RBFOX2: variants seen among roughly 807,000 people sequenced by gnomAD.
RBFOX2 encodes RNA binding fox-1 homolog 2, also known as RNA binding protein fox-1 homolog 2.
Under a neutral mutation model 49.1 loss-of-function variants are expected in RBFOX2, and 10 were observed. That is an observed-to-expected ratio of 0.20 (90% confidence interval 0.13 to 0.35). RBFOX2 has a LOEUF of 0.35. RBFOX2 is among the 10% of genes least tolerant of loss of function. The probability of loss-of-function intolerance (pLI) is 1.00; values close to 1 mark genes in which losing one functional copy is unlikely to be tolerated. For missense variants in RBFOX2, 323 were observed against 486.9 expected, an observed-to-expected ratio of 0.66 and a Z score of 3.17; for synonymous variants, 183 against 187.4, an observed-to-expected ratio of 0.98 and a Z score of 0.19.
At chr22:35,998,340 C>T (rs530787907) in intron 1 of RBFOX2, 2 of 152,270 alleles carry the variant, frequency 1.3e-5, no homozygotes, top group South Asian at 2.1e-4. Flanking sequence ...TTCCTGCACA[C>T]ACTACCTCAC....
At chr22:36,005,667 CAT>C (rs2058593511) in intron 1 of RBFOX2, among the ~76,000 whole-genome samples, 1 of 152,208 alleles carries the variant, frequency 6.6e-6, no homozygotes, top group Non-Finnish European at 1.5e-5. Context: ...ATAGGCAGCA[CAT>C]GTGTTCCACT....
At chr22:35,840,505 A>G in exon 1 of RBFOX2, 13 of 1,303,310 alleles carry the variant, frequency 1.0e-5, no homozygotes, top group Non-Finnish European at 1.2e-5. Flanking sequence ...TAATCAGAGT[A>G]GAGCCCCACC....
chr22:35,741,872 A>G (rs1012081752), exon 12 of RBFOX2: 5 of 152,634 alleles, frequency 3.3e-5, no homozygotes, highest in African/African-American at 9.6e-5. Context: ...TCATTCTCCT[A>G]TTCTCCCCTG....
chr22:35,875,896 T>C (rs559224044), intron 1 of RBFOX2, among the ~76,000 whole-genome samples: 1 of 151,888 alleles, frequency 6.6e-6, no homozygotes, highest in African/African-American at 2.4e-5. Flanking sequence ...AGTAAAAAAA[T>C]AAATAAATAA....
At chr22:35,985,697 C>T (rs2057676252) in intron 1 of RBFOX2, among the ~76,000 whole-genome samples, 5 of 152,120 alleles carry the variant, frequency 3.3e-5, no homozygotes. Flanking sequence ...CAGTCTATGG[C>T]TCTAAATGAA....
chr22:35,786,597 C>G (rs1343814205), intron 2 of RBFOX2, among the ~76,000 whole-genome samples: 1 of 152,210 alleles, frequency 6.6e-6, no homozygotes, highest in Non-Finnish European at 1.5e-5. Flanking sequence ...ACTTCTAACT[C>G]TAGGCCTCCC....
intron 1 of RBFOX2, among the ~76,000 whole-genome samples, chr22:35,877,882 C>A (rs1185004239): frequency 6.6e-6 from 1 of 151,916 alleles, no homozygotes; most frequent in African/African-American, 2.4e-5. Flanking sequence ...GTAAAAAAAC[C>A]TCTAGAATTT....
At chr22:35,744,039 CAT>C in exon 12 of RBFOX2, 1 of 485,772 alleles carries the variant, frequency 2.1e-6, no homozygotes, top group Non-Finnish European at 3.4e-6. Context: ...ATTCAAAGAA[CAT>C]AGTGAGGTAT....
intron 1 of RBFOX2, among the ~76,000 whole-genome samples, chr22:35,983,434 A>G (rs889123294): frequency 2.0e-5 from 3 of 152,044 alleles, no homozygotes; most frequent in Non-Finnish European, 4.4e-5. Flanking sequence ...CCCCTTGGCC[A>G]TTTTTTTACC....
chr22:35,967,708 C>T (rs1342718142), intron 1 of RBFOX2, among the ~76,000 whole-genome samples: 1 of 152,156 alleles, frequency 6.6e-6, no homozygotes, highest in Non-Finnish European at 1.5e-5. Context: ...TAACCCTCCA[C>T]CATCCTCAGC....
chr22:35,772,369 TTTTA>T (rs1483020814), intron 4 of RBFOX2, among the ~76,000 whole-genome samples: 25 of 152,186 alleles, frequency 1.6e-4, no homozygotes, highest in African/African-American at 6.0e-4. Context: ...TAACAATGTA[TTTTA>T]TTTAACCCAA....
At chr22:35,887,935 C>T (rs540878992) in intron 1 of RBFOX2, among the ~76,000 whole-genome samples, 12 of 152,260 alleles carry the variant, frequency 7.9e-5, no homozygotes, top group Middle Eastern at 3.4e-3. Context: ...CTCCAGCCTC[C>T]TTAAGATCTA....
intron 1 of RBFOX2, among the ~76,000 whole-genome samples, chr22:35,881,315 C>T (rs1190917998): frequency 6.6e-6 from 1 of 151,486 alleles, no homozygotes; most frequent in African/African-American, 2.4e-5. Context: ...GTGGCTCACG[C>T]CTATAATCTC....
rs1348470601 is a variant in RBFOX2 at position 35,781,534 on chromosome 22, T to C, written c.399+66A>G. On this transcript the variant is annotated intron_variant, in intron 3 of 11. Coordinates refer to ENST00000405409, the Ensembl canonical transcript of RBFOX2. ...TTAATCCTAAAGTAATAATGACTAATAACACATCTGGGGGATTAAAATCTA... is the reference window on the plus strand; with the variant it reads ...TTAATCCTAAAGTAATAATGACTAACAACACATCTGGGGGATTAAAATCTA... 3.9e-6 allele frequency: 6 copies of C among 1,542,710 alleles called. No individual in the cohort carries two copies. The Admixed American group carries it at 7.9e-5, about 20-fold the overall frequency.
intron 1 of RBFOX2, among the ~76,000 whole-genome samples, chr22:36,025,587 G>C (rs893958405): frequency 2.0e-5 from 3 of 152,166 alleles, no homozygotes; most frequent in Non-Finnish European, 2.9e-5. Flanking sequence ...TTAGTTCAAT[G>C]AATAAACATT....
chr22:35,966,849 G>C (rs944318594), intron 1 of RBFOX2, among the ~76,000 whole-genome samples: 4 of 151,926 alleles, frequency 2.6e-5, no homozygotes, highest in Admixed American at 6.6e-5. Context: ...GTCTTGCTCT[G>C]TTGCCCAGGC....
chr22:35,922,199 A>G (rs1297871662), intron 1 of RBFOX2, among the ~76,000 whole-genome samples: 3 of 152,254 alleles, frequency 2.0e-5, no homozygotes, highest in Non-Finnish European at 4.4e-5. Context: ...ATTGCATTTC[A>G]TTTTAGAAAT....
At chr22:36,025,839 A>C (rs1027957943) in intron 1 of RBFOX2, among the ~76,000 whole-genome samples, 6 of 151,880 alleles carry the variant, frequency 4.0e-5, no homozygotes, top group African/African-American at 1.5e-4. Context: ...CACATACTTT[A>C]TTTTACAACT....
chr22:35,857,389 A>G (rs574028540), intron 1 of RBFOX2, among the ~76,000 whole-genome samples: 15 of 152,348 alleles, frequency 9.8e-5, no homozygotes, highest in East Asian at 5.8e-4. Context: ...GTATAGATAT[A>G]TAAGAGATGA....
Sources: allele counts gnomAD v4.1 joint callset (sites outside exome capture counted in the v4.1 genomes callset), GRCh38; gene constraint gnomAD v4.1.1; transcripts MANE v1.5; gene names NCBI Gene and HGNC (gene_info 2026-07-23, HGNC 2026-07-21).